Variants in STK32B observed in about 807,000 individuals in gnomAD.
STK32B encodes serine/threonine-protein kinase 32B.
A neutral mutation model predicts 52.6 loss-of-function variants in STK32B; 43 were observed. The observed-to-expected ratio is 0.82, with a 90% CI of 0.64 to 1.05. The LOEUF (loss-of-function observed/expected upper bound fraction) is 1.05, where lower values mean the gene tolerates loss of function less well. Among genes scored for constraint, STK32B ranks in the 50% least tolerant of loss-of-function variants. The pLI, the probability that STK32B is intolerant of heterozygous loss-of-function variation, is 0.00. For missense variants in STK32B, 621 were observed against 534.6 expected, an observed-to-expected ratio of 1.16 and a Z score of -1.59; for synonymous variants, 238 against 204.3, an observed-to-expected ratio of 1.17 and a Z score of -1.41.
At chr4:5,255,072 A>G (rs1726204975) in intron 3 of STK32B, among the ~76,000 whole-genome samples, 1 of 152,082 alleles carries the variant, frequency 6.6e-6, no homozygotes, top group African/African-American at 2.4e-5. Flanking sequence ...CTCACAGCCC[A>G]GTAGGGCAGA....
intron 3 of STK32B, among the ~76,000 whole-genome samples, chr4:5,295,888 T>G (rs1316481185): frequency 6.6e-6 from 1 of 152,206 alleles, no homozygotes; most frequent in Non-Finnish European, 1.5e-5. Flanking sequence ...TTTCCCACTT[T>G]CTGATGTGGG....
intron 1 of STK32B, among the ~76,000 whole-genome samples, chr4:5,132,173 G>C (rs1399967008): frequency 6.6e-6 from 1 of 152,116 alleles, no homozygotes; most frequent in African/African-American, 2.4e-5. Context: ...CCAGTCTATT[G>C]TTGATAGACA....
intron 11 of STK32B, among the ~76,000 whole-genome samples, chr4:5,497,854 A>G (rs1420362051): frequency 1.3e-5 from 2 of 152,186 alleles, no homozygotes; most frequent in African/African-American, 2.4e-5. Context: ...ATTTAAATCA[A>G]GACAACAGGT....
chr4:5,200,253 CT>C (rs35848579), intron 3 of STK32B, among the ~76,000 whole-genome samples: 2,215 of 141,928 alleles, frequency 0.016, 19 homozygotes, highest in Middle Eastern at 0.048. Context: ...CTCTTCTGCT[CT>C]TTTTTTTTTT....
At chr4:5,280,177 A>G (rs1408971546) in intron 3 of STK32B, among the ~76,000 whole-genome samples, 1 of 152,108 alleles carries the variant, frequency 6.6e-6, no homozygotes, top group East Asian at 1.9e-4. Flanking sequence ...TTTTAAATAT[A>G]AGTTCTAGTT....
chr4:5,371,501 G>A (rs1735240512), intron 4 of STK32B, among the ~76,000 whole-genome samples: 1 of 152,180 alleles, frequency 6.6e-6, no homozygotes, highest in Non-Finnish European at 1.5e-5. Flanking sequence ...GTTTGGTTAA[G>A]GAGAGAGTCT....
intron 11 of STK32B, among the ~76,000 whole-genome samples, chr4:5,486,483 AC>A (rs973325594): frequency 1.6e-4 from 24 of 152,094 alleles, no homozygotes; most frequent in African/African-American, 5.6e-4. Flanking sequence ...GCCATCTGTC[AC>A]CCCTTTCTTT....
intron 4 of STK32B, among the ~76,000 whole-genome samples, chr4:5,357,108 CACAT>C (rs1364253168): frequency 1.3e-4 from 19 of 144,238 alleles, no homozygotes; most frequent in African/African-American, 4.9e-4. Flanking sequence ...CACACACACA[CACAT>C]ATATATACAC....
intron 3 of STK32B, among the ~76,000 whole-genome samples, chr4:5,298,715 C>T (rs766726620): frequency 1.3e-5 from 2 of 152,076 alleles, no homozygotes; most frequent in Non-Finnish European, 2.9e-5. Context: ...TGGATCTTAG[C>T]TTGCTGGGCT....
chr4:5,289,680 G>T (rs1049099080), intron 3 of STK32B, among the ~76,000 whole-genome samples: 1 of 141,738 alleles, frequency 7.1e-6, no homozygotes, highest in African/African-American at 2.8e-5. Flanking sequence ...CACCATGCCC[G>T]GCTAATTTTT....
At chr4:5,158,273 T>A (rs1014771207) in intron 2 of STK32B, among the ~76,000 whole-genome samples, 7 of 152,134 alleles carry the variant, frequency 4.6e-5, no homozygotes, top group Admixed American at 6.5e-5. Context: ...CCCTTTACCC[T>A]GAGGGCACCA....
chr4:5,499,346 T>G lies in STK32B; in HGVS notation c.*263T>G. 1 of 391,980 alleles carries G rather than the reference T, an allele frequency of 2.6e-6. No homozygotes were observed. The highest frequency in any genetic ancestry group is 4.5e-6 in the Non-Finnish European group (1 of 224,318). 24.3% of individuals were successfully genotyped at this position (391,980 alleles called of 1,614,324 possible). On this transcript the variant is annotated 3_prime_UTR_variant, in exon 12 of 12. Coordinates refer to ENST00000282908, the MANE Select transcript of STK32B (RefSeq NM_018401.3). The stretch of plus-strand genomic sequence containing the variant: ...TAAACACTTCTGCCCCACTTCAAAT[T>G]ACAAGATTATGGGGAGAACCCAATT...
rs1553814767 is a variant in STK32B at position 5,054,513 on chromosome 4, T to TA, written c.52+2598_52+2599insA. On this transcript the variant is annotated intron_variant, in intron 1 of 11. Coordinates refer to ENST00000282908, the MANE Select transcript of STK32B (RefSeq NM_018401.3). ...TGGTAAAGAGTAAGCCTGGCTCATG[T>TA]GGGGGGATTGAGGGGGCTTAGTACT... 2.9e-5 allele frequency among the ~76,000 whole-genome samples: 4 copies of TA among 138,324 alleles called. No homozygotes were observed. In the East Asian group the frequency reaches 6.4e-4, roughly 22 times the overall value. 90.7% of individuals were successfully genotyped at this position (138,324 alleles called of 152,430 possible). A position where few individuals can be genotyped will look rare whatever the true frequency, so the allele number is the denominator to read the frequency against.
rs1457059877 is a variant in STK32B at position 5,225,400 on chromosome 4, C to G, written c.260+56950C>G. Among the ~76,000 whole-genome samples the G allele has an allele frequency of 3.3e-5, 5 of 152,098 alleles. No homozygotes were observed. In the East Asian group the frequency reaches 9.7e-4, roughly 29 times the overall value. On this transcript the variant is annotated intron_variant, in intron 3 of 11. Transcript: ENST00000282908. ...CCAGCCTGGGTGACAGAGTAAGACT[C>G]CGTCTCGAAAAAAAATAAAATAAAA...
intron 1 of STK32B, among the ~76,000 whole-genome samples, chr4:5,136,973 A>G (rs1716115823): frequency 6.6e-6 from 1 of 152,232 alleles, no homozygotes; most frequent in Non-Finnish European, 1.5e-5. Flanking sequence ...AAAGGAGCCC[A>G]CAATTTTGTA....
chr4:5,356,675 A>G (rs941672592), intron 4 of STK32B, among the ~76,000 whole-genome samples: 1 of 152,140 alleles, frequency 6.6e-6, no homozygotes, highest in African/African-American at 2.4e-5. Context: ...GTTACCTATT[A>G]TAGGTCTCAG....
At chr4:5,139,734 A>G in intron 1 of STK32B, 171 bp from the exon 2 acceptor site, 2 of 635,798 alleles carry the variant, frequency 3.1e-6, no homozygotes, top group Non-Finnish European at 2.8e-6. Context: ...AAAAAATGGA[A>G]TGTGCTGCAA....
At chr4:5,476,658 T>G (rs1447913404) in intron 11 of STK32B, among the ~76,000 whole-genome samples, 1 of 151,926 alleles carries the variant, frequency 6.6e-6, no homozygotes, top group East Asian at 1.9e-4. Context: ...CTAGCACCTG[T>G]GAAGATGACC....
At chr4:5,081,432 C>T (rs758452192) in intron 1 of STK32B, among the ~76,000 whole-genome samples, 10 of 152,088 alleles carry the variant, frequency 6.6e-5, no homozygotes, top group Non-Finnish European at 1.0e-4. Flanking sequence ...TGTTTTCAAG[C>T]CATTATTTCT....
Sources: allele counts gnomAD v4.1 joint callset (sites outside exome capture counted in the v4.1 genomes callset), GRCh38; gene constraint gnomAD v4.1.1; transcripts MANE v1.5; gene names NCBI Gene and HGNC (gene_info 2026-07-23, HGNC 2026-07-21).